The following LRP1B variants were observed in gnomAD, a reference collection of about 807,000 sequenced individuals.
LRP1B encodes the protein low-density lipoprotein receptor-related protein 1B.
Under a neutral mutation model 556.6 loss-of-function variants are expected in LRP1B, and 217 were observed. The ratio of observed to expected loss-of-function variants is 0.39; its 90% CI spans 0.35 to 0.44. LRP1B has a LOEUF of 0.44. Ranked by LOEUF, LRP1B falls within the 20% of genes least tolerant of loss-of-function variation. The pLI, the probability that LRP1B is intolerant of heterozygous loss-of-function variation, is 1.00. For synonymous variants in LRP1B, 2,047 were observed against 1,865.8 expected (o/e 1.10, Z -2.50); for missense variants, 5,053 against 5,620.8 (o/e 0.90, Z 3.23).
rs1004153880 is a variant in LRP1B at position 140,634,432 on chromosome 2, C to T, written c.6800-32793G>A. ...ATAAATTTCCCATGTAGAAGAATTC[C>T]GAATAATTGATATAAACACTCTGCC... On this transcript the variant is annotated intron_variant, in intron 41 of 90. Transcript: ENST00000389484. Among the ~76,000 whole-genome samples the T allele has an allele frequency of 6.6e-5, 10 of 151,952 alleles. No individual in the cohort carries two copies. The East Asian group carries it at 1.7e-3, about 26-fold the overall frequency.
intron 1 of LRP1B, among the ~76,000 whole-genome samples, chr2:142,031,610 A>ACTAAAAAAAAAATGACATATTGTCATTT (rs1453292103): frequency 2.7e-5 from 4 of 149,310 alleles, no homozygotes; most frequent in South Asian, 4.2e-4. Flanking sequence ...CATATTGTCA[A>ACTAAAAAAAAAATGACATATTGTCATTT]CTAAAAAAAA....
At chr2:140,496,640 G>A (rs910036117) in intron 55 of LRP1B, among the ~76,000 whole-genome samples, 1 of 151,984 alleles carries the variant, frequency 6.6e-6, no homozygotes, top group African/African-American at 2.4e-5. Context: ...TCCTAAAAAC[G>A]ATGAGGTACT....
At chr2:140,479,964 G>A (rs1343755398) in intron 59 of LRP1B, among the ~76,000 whole-genome samples, 1 of 152,134 alleles carries the variant, frequency 6.6e-6, no homozygotes, top group East Asian at 1.9e-4. Context: ...CATAGGTGCA[G>A]GCACAAGGTC....
intron 20 of LRP1B, among the ~76,000 whole-genome samples, chr2:140,937,726 G>T (rs901045600): frequency 6.6e-6 from 1 of 151,994 alleles, no homozygotes; most frequent in Non-Finnish European, 1.5e-5. Context: ...ATGTGATAAG[G>T]ATTCAAGTAT....
intron 23 of LRP1B, chr2:140,898,465 TA>T (rs1694011831): frequency 9.6e-6 from 2 of 209,174 alleles, no homozygotes; most frequent in Non-Finnish European, 1.9e-5. Context: ...ATGGGCACAC[TA>T]AACTGGTGTC....
At chr2:140,311,507 C>T (rs1573771488) in intron 83 of LRP1B, among the ~76,000 whole-genome samples, 1 of 151,756 alleles carries the variant, frequency 6.6e-6, no homozygotes, top group Admixed American at 6.6e-5. Context: ...GAATAATAGA[C>T]ATTGGAGAAG....
intron 6 of LRP1B, among the ~76,000 whole-genome samples, chr2:141,202,660 T>C (rs1419043557): frequency 6.6e-6 from 1 of 152,148 alleles, no homozygotes; most frequent in Non-Finnish European, 1.5e-5. Flanking sequence ...TGCATTTCTC[T>C]GGTGGTCAGT....
intron 1 of LRP1B, among the ~76,000 whole-genome samples, chr2:142,009,801 G>A (rs1379039276): frequency 2.0e-5 from 3 of 151,694 alleles, no homozygotes; most frequent in African/African-American, 7.3e-5. Context: ...TCTATATATT[G>A]TATATAGAAA....
chr2:141,433,380 G>A (rs1680640330), intron 3 of LRP1B, among the ~76,000 whole-genome samples: 1 of 152,018 alleles, frequency 6.6e-6, no homozygotes, highest in South Asian at 2.1e-4. Flanking sequence ...ACTGTTGGTT[G>A]AAGTGTTCTA....
chr2:140,835,886 G>T (rs1691885028), intron 31 of LRP1B, among the ~76,000 whole-genome samples: 1 of 152,118 alleles, frequency 6.6e-6, no homozygotes, highest in Non-Finnish European at 1.5e-5. Context: ...CTGCGTCCAT[G>T]TGCACGTTAA....
intron 1 of LRP1B, among the ~76,000 whole-genome samples, chr2:142,126,376 G>A (rs895689597): frequency 1.3e-5 from 2 of 151,574 alleles, no homozygotes; most frequent in East Asian, 1.9e-4. Flanking sequence ...ATTTTTAATG[G>A]CGTTTGTGCC....
At chr2:141,539,286 G>GT (rs1685171033) in intron 2 of LRP1B, among the ~76,000 whole-genome samples, 1 of 152,078 alleles carries the variant, frequency 6.6e-6, no homozygotes, top group Admixed American at 6.5e-5. Flanking sequence ...AGGCAACAGA[G>GT]TTATGATTCA....
chr2:141,063,285 C>T (rs1241463632), intron 7 of LRP1B, among the ~76,000 whole-genome samples: 2 of 151,828 alleles, frequency 1.3e-5, no homozygotes, highest in African/African-American at 2.4e-5. Flanking sequence ...TCTCAACATA[C>T]TTACATTATC....
intron 2 of LRP1B, among the ~76,000 whole-genome samples, chr2:141,733,661 T>C (rs1251537581): frequency 6.6e-6 from 1 of 152,140 alleles, no homozygotes; most frequent in Non-Finnish European, 1.5e-5. Context: ...ATTGAGATAA[T>C]GCCCACATCA....
chr2:140,864,273 T>C (rs1295149060), intron 27 of LRP1B, among the ~76,000 whole-genome samples: 1 of 152,002 alleles, frequency 6.6e-6, no homozygotes, highest in Admixed American at 6.6e-5. Context: ...TATTTTATAA[T>C]CTAGGCGAGT....
rs546716686 is a variant in LRP1B at position 140,292,185 on chromosome 2, A to G, written c.12967+5623T>C. On this transcript the variant is annotated intron_variant, in intron 84 of 90. Coordinates refer to ENST00000389484, the MANE Select transcript of LRP1B (RefSeq NM_018557.3). The stretch of plus-strand genomic sequence containing the variant: ...TGCTCTCTAAATTGCAGATTAGGGA[A>G]AACTGTTTAATCTCATGTTGTTGGC... Among the ~76,000 whole-genome samples the G allele has an allele frequency of 7.9e-5, 12 of 152,294 alleles. No individual in the cohort carries two copies. In the South Asian group the frequency reaches 2.3e-3, roughly 29 times the overall value.
intron 66 of LRP1B, among the ~76,000 whole-genome samples, chr2:140,396,537 A>G (rs1022962365): frequency 3.9e-5 from 6 of 152,166 alleles, no homozygotes; most frequent in Non-Finnish European, 7.4e-5. Context: ...AACATATAAC[A>G]GAGGGCGATT....
intron 11 of LRP1B, among the ~76,000 whole-genome samples, chr2:141,046,033 T>C (rs7594687): frequency 0.099 from 15,086 of 152,090 alleles, 825 homozygotes; most frequent in African/African-American, 0.14. Context: ...GCCAACAGTA[T>C]ATGCAACATT....
Position 140,977,875 on chromosome 2 carries a change from G to A in LRP1B, c.2887+4285C>T, listed in dbSNP as rs565759892. On this transcript the variant is annotated intron_variant, in intron 18 of 90. Coordinates refer to ENST00000389484, the MANE Select transcript of LRP1B (RefSeq NM_018557.3). ...ATTCTATTTAATTACTCTGGAGTGA[G>A]GTATGGGCAGGTGATTTTAAAGTTC... is the stretch of plus-strand genomic sequence containing the variant. Among the ~76,000 whole-genome samples, 50 of 152,264 alleles carry A rather than the reference G, an allele frequency of 3.3e-4. No individual in the cohort carries two copies. The South Asian group carries it at 1.0e-2, about 30-fold the overall frequency.
Sources: gnomAD v4.1 joint callset for allele counts (sites outside exome capture counted in the v4.1 genomes callset) on GRCh38, gnomAD v4.1.1 for gene constraint, MANE v1.5 for transcripts, NCBI Gene and HGNC (gene_info 2026-07-23, HGNC 2026-07-21) for gene names.